ATE1: variants seen among roughly 807,000 people sequenced by gnomAD.
The protein encoded by ATE1 is arginyltransferase 1, also known as arginyl-tRNA--protein transferase 1.
In ATE1, 36 loss-of-function variants were observed where a neutral mutation model predicts 70.5. That is an observed-to-expected ratio of 0.51 (90% CI 0.39 to 0.67). ATE1 has a LOEUF of 0.67. Among genes scored for constraint, ATE1 ranks in the 30% least tolerant of loss-of-function variants. The pLI is 0.00. For missense variants in ATE1, 593 were observed against 629.5 expected (o/e 0.94, Z 0.62); for synonymous variants, 232 against 219.3 (o/e 1.06, Z -0.51).
intron 8 of ATE1, among the ~76,000 whole-genome samples, chr10:121,860,905 G>A (rs1185520590): frequency 1.3e-5 from 2 of 152,066 alleles, no homozygotes; most frequent in African/African-American, 2.4e-5. Flanking sequence ...ACTTAACGTC[G>A]TCAGTTCAAT....
intron 7 of ATE1, among the ~76,000 whole-genome samples, chr10:121,889,493 CA>C (rs1362268187): frequency 1.3e-5 from 2 of 152,044 alleles, no homozygotes; most frequent in Non-Finnish European, 2.9e-5. Context: ...TATTTTCATT[CA>C]TCTATAAAAG....
intron 8 of ATE1, among the ~76,000 whole-genome samples, chr10:121,843,682 T>C (rs1948712763): frequency 6.6e-6 from 1 of 151,396 alleles, no homozygotes; most frequent in South Asian, 2.1e-4. Flanking sequence ...AGAGAAAGAA[T>C]ACTCTTTACA....
At chr10:121,910,788 T>C (rs1429176696) in intron 5 of ATE1, 118 bp downstream of exon 5, 4 of 1,344,788 alleles carry the variant, frequency 3.0e-6, no homozygotes, top group Admixed American at 2.2e-5. Flanking sequence ...AGCAGGGTTC[T>C]GTTTTACAGA....
At chr10:121,819,902 T>C (rs1947724858) in intron 10 of ATE1, among the ~76,000 whole-genome samples, 1 of 151,814 alleles carries the variant, frequency 6.6e-6, no homozygotes, top group South Asian at 2.1e-4. Context: ...TCCCAGCACT[T>C]TGGGAGGCCA....
chr10:121,743,859 C>T lies in ATE1; in HGVS notation c.1379-1G>A. 3 of 1,584,960 alleles carry T rather than the reference C, an allele frequency of 1.9e-6. No individual in the cohort carries two copies. Among genetic ancestry groups the T allele is most frequent in the Non-Finnish European group, 2.6e-6 (3 of 1,168,734 alleles). On this transcript the variant is annotated splice_acceptor_variant, in intron 11 of 11. Transcript: ENST00000224652. LOFTEE classifies it high-confidence loss of function. ...GGTTCCGTACTGCGATCCTCATCCA[C>T]TGCAACGACAAAAAATACTGATTTG...
At chr10:121,753,379 T>C (rs891186121) in intron 11 of ATE1, among the ~76,000 whole-genome samples, 1 of 152,196 alleles carries the variant, frequency 6.6e-6, no homozygotes, top group African/African-American at 2.4e-5. Context: ...GTTAAACTCA[T>C]GATATGTTGA....
At chr10:121,881,074 T>C (rs1590614679) in intron 7 of ATE1, among the ~76,000 whole-genome samples, 2 of 152,354 alleles carry the variant, frequency 1.3e-5, no homozygotes, top group East Asian at 3.9e-4. Flanking sequence ...AGAACAACTG[T>C]CAAAAGCTTA....
chr10:121,786,846 A>T (rs1053758258), intron 11 of ATE1, among the ~76,000 whole-genome samples: 2 of 152,120 alleles, frequency 1.3e-5, no homozygotes, highest in Non-Finnish European at 2.9e-5. Flanking sequence ...ATACACACAG[A>T]TATGTGTATA....
chr10:121,921,773 C>T (rs899614628), intron 3 of ATE1, among the ~76,000 whole-genome samples: 2 of 152,090 alleles, frequency 1.3e-5, no homozygotes, highest in South Asian at 4.1e-4. Flanking sequence ...TCAAGCTAGC[C>T]CACCCCCTTC....
intron 11 of ATE1, among the ~76,000 whole-genome samples, chr10:121,774,759 A>C (rs1945663988): frequency 6.6e-6 from 1 of 152,188 alleles, no homozygotes; most frequent in Non-Finnish European, 1.5e-5. Context: ...CCTGTATTTA[A>C]ACTTCTCTGC....
chr10:121,881,456 T>C (rs1321565729), intron 7 of ATE1, among the ~76,000 whole-genome samples: 2 of 152,128 alleles, frequency 1.3e-5, no homozygotes, highest in Non-Finnish European at 2.9e-5. Context: ...CTATAGCTCC[T>C]TTGTCTCCAG....
intron 8 of ATE1, among the ~76,000 whole-genome samples, chr10:121,851,077 C>T (rs1353454158): frequency 9.8e-6 from 1 of 101,824 alleles, no homozygotes; most frequent in Admixed American, 1.6e-4. Flanking sequence ...GGCCACAAAG[C>T]GAGACTCCAT....
chr10:121,759,531 G>A (rs374731471), intron 11 of ATE1, among the ~76,000 whole-genome samples: 2 of 152,032 alleles, frequency 1.3e-5, no homozygotes, highest in Admixed American at 6.6e-5. Context: ...AGACCATCCC[G>A]GCTAACACGG....
At chr10:121,854,251 G>A (rs1452280391) in intron 8 of ATE1, among the ~76,000 whole-genome samples, 1 of 152,076 alleles carries the variant, frequency 6.6e-6, no homozygotes, top group African/African-American at 2.4e-5. Context: ...ATCTAATCTA[G>A]CAATCTCATC....
intron 11 of ATE1, among the ~76,000 whole-genome samples, chr10:121,757,532 T>A (rs750660573): frequency 1.3e-5 from 2 of 152,216 alleles, no homozygotes; most frequent in East Asian, 3.8e-4. Flanking sequence ...GAGGTTTAAT[T>A]GGACTTACAG....
intron 8 of ATE1, among the ~76,000 whole-genome samples, chr10:121,846,036 G>C (rs1375220810): frequency 6.6e-6 from 1 of 151,262 alleles, no homozygotes; most frequent in Admixed American, 6.6e-5. Context: ...AAGAAACCAG[G>C]GCCCCCAAGG....
intron 9 of ATE1, among the ~76,000 whole-genome samples, chr10:121,838,302 G>C (rs7095228): frequency 0.78 from 117,637 of 151,476 alleles, 48,984 homozygotes; most frequent in Middle Eastern, 0.93. Context: ...TTCCACCTGC[G>C]TCCTTCTCAC....
chr10:121,903,457 C>T (rs1433836584), intron 5 of ATE1, among the ~76,000 whole-genome samples: 6 of 151,936 alleles, frequency 3.9e-5, no homozygotes, highest in African/African-American at 7.3e-5. Flanking sequence ...GGGGCTAAGG[C>T]GGGCAGATCA....
intron 1 of ATE1, 22 bp downstream of exon 1, chr10:121,927,821 GC>G: frequency 1.3e-6 from 2 of 1,541,612 alleles, no homozygotes; most frequent in Non-Finnish European, 1.7e-6. Context: ...GGCTTCCCAC[GC>G]CCGCCGGCCC....
Sources: allele counts gnomAD v4.1 joint callset (sites outside exome capture counted in the v4.1 genomes callset), GRCh38; gene constraint gnomAD v4.1.1; transcripts MANE v1.5; gene names NCBI Gene and HGNC (gene_info 2026-07-23, HGNC 2026-07-21).